Variants in ZNF655 observed in about 807,000 individuals in gnomAD.
ZNF655 encodes zinc finger protein 655.
Under a neutral mutation model 6.6 loss-of-function variants are expected in ZNF655, and 3 were observed. The observed-to-expected ratio is 0.46, with a 90% CI of 0.21 to 1.18. ZNF655 has a LOEUF of 1.18. Ranked by LOEUF, ZNF655 falls within the 50% of genes most tolerant of loss-of-function variation. The pLI, the probability that ZNF655 is intolerant of heterozygous loss-of-function variation, is 0.24. For synonymous variants in ZNF655, 178 were observed against 195.0 expected (o/e 0.91, Z 0.73); for missense variants, 526 against 572.3 (o/e 0.92, Z 0.83).
At position 99,573,407 on chromosome 7, in the gene ZNF655, G is replaced by T; in HGVS notation, c.1299G>T (p.Glu433Asp). 1 of 1,614,134 alleles carries T rather than the reference G, an allele frequency of 6.2e-7. No homozygotes were observed. Among genetic ancestry groups the T allele is most frequent in the Non-Finnish European group, 8.5e-7 (1 of 1,180,000 alleles). Reference protein sequence around the residue: ...LIQHHKMHRKEKSYECNEYEG... With the variant: ...LIQHHKMHRKDKSYECNEYEG... ...AGCATCACAAAATGCATAGGAAAGA[G>T]AAATCGTATGAATGTAATGAGTATG... The change falls in exon 3 of 3, where the codon GAG becomes GAT. Residue 433 changes from glutamate (E) to aspartate (D), a missense_variant. Transcript: ENST00000252713.
chr7:99,572,060 T>C (rs1415345198), intron 2 of ZNF655, among the ~76,000 whole-genome samples, 185 bp from the exon 3 acceptor site: 2 of 152,222 alleles, frequency 1.3e-5, no homozygotes, highest in African/African-American at 2.4e-5. Flanking sequence ...GTCCGCTGTT[T>C]TACCTCACTG....
At chr7:99,562,258 C>T in intron 2 of ZNF655, 15 of 1,389,000 alleles carry the variant, frequency 1.1e-5, no homozygotes, top group Non-Finnish European at 1.5e-5. Context: ...TCTGTTCTCC[C>T]TCCTCCTCAA....
chr7:99,572,101 G>A, intron 2 of ZNF655, 144 bp from the exon 3 acceptor site: 1 of 858,996 alleles, frequency 1.2e-6, no homozygotes, highest in Non-Finnish European at 1.7e-6. Flanking sequence ...TTCTGCTGTT[G>A]AGATTTTGTG....
rs992542064 is a variant in ZNF655 at position 99,572,918 on chromosome 7, T to C, written c.810T>C (p.Cys270=). ...ACACTAGAGAAAAACCTTACAAATGTGAAGCATCTGATAAATCCTGTGAAG... is the reference window on the plus strand; with the variant it reads ...ACACTAGAGAAAAACCTTACAAATGCGAAGCATCTGATAAATCCTGTGAAG... ...RIHTREKPYK[C]EASDKSCEAS... The change falls in exon 3 of 3, where the codon TGT becomes TGC. Residue 270 remains cysteine, a synonymous_variant. Transcript: ENST00000252713. 6.2e-7 allele frequency: 1 copy of C among 1,614,010 alleles called. No homozygotes were observed. Among genetic ancestry groups the C allele is most frequent in the African/African-American group, 1.3e-5 (1 of 74,932 alleles).
intron 2 of ZNF655, chr7:99,562,447 T>G: frequency 6.2e-7 from 1 of 1,614,124 alleles, no homozygotes. Flanking sequence ...CAGAGGGACC[T>G]CTACAGAGAA....
rs1277472303 is a variant in ZNF655, at chr7:99,572,173, T to C, written c.137-72T>C. The C allele has an allele frequency of 2.7e-6, 4 of 1,458,548 alleles. No individual in the cohort carries two copies. The African/African-American group carries it at 5.7e-5, about 21-fold the overall frequency. 90.4% of individuals were successfully genotyped at this position (1,458,548 alleles called of 1,614,324 possible). Reference sequence around the variant, plus strand: ...GTAGATACTACATTGTTTAGTTTTCTCATCTGAGTTTTCTTTTCCTAAGCA... The same window carrying C: ...GTAGATACTACATTGTTTAGTTTTCCCATCTGAGTTTTCTTTTCCTAAGCA... On this transcript the variant is annotated intron_variant, in intron 2 of 2. Coordinates refer to ENST00000252713, the MANE Select transcript of ZNF655 (RefSeq NM_138494.3).
chr7:99,565,697 T>C (rs1293440558), intron 2 of ZNF655, among the ~76,000 whole-genome samples: 1 of 152,200 alleles, frequency 6.6e-6, no homozygotes, highest in Non-Finnish European at 1.5e-5. Context: ...GTGTGGTAGA[T>C]TAAGACCCAT....
chr7:99,576,069 A>C lies in ZNF655; in HGVS notation c.*2485A>C, dbSNP rs568743844. 2 of 152,228 alleles carry C rather than the reference A, an allele frequency of 1.3e-5. No individual in the cohort carries two copies. Among genetic ancestry groups the C allele is most frequent in the Non-Finnish European group, 2.9e-5 (2 of 68,040 alleles). The allele number at this position is 152,228 out of a possible 1,614,324, so 9.4% of individuals were successfully genotyped here. A position where few individuals can be genotyped will look rare whatever the true frequency, so the allele number is the denominator to read the frequency against. Reference sequence around the variant, plus strand: ...TTCATAGTTCAGTGTTATAATATTCAGTAGGGACCCTCAACAAATATATAA... The same window carrying C: ...TTCATAGTTCAGTGTTATAATATTCCGTAGGGACCCTCAACAAATATATAA... On this transcript the variant is annotated 3_prime_UTR_variant, in exon 3 of 3. Coordinates refer to ENST00000252713, the MANE Select transcript of ZNF655 (RefSeq NM_138494.3).
rs763110941 is a variant in ZNF655, at chr7:99,560,690, C to G, written c.131C>G (p.Thr44Ser). 12 of 1,613,566 alleles carry G rather than the reference C, an allele frequency of 7.4e-6. No homozygotes were observed. The highest frequency in any genetic ancestry group is 3.4e-6 in the Non-Finnish European group (4 of 1,179,786). Reference protein sequence around the residue: ...VQDTDMEQGLTGDGETREENK... With the variant: ...VQDTDMEQGLSGDGETREENK... ...GACACCGACATGGAACAGGGACTCACTGGGGGTAAGGCAGAGAAAGCACTT... is the reference window on the plus strand; with the variant it reads ...GACACCGACATGGAACAGGGACTCAGTGGGGGTAAGGCAGAGAAAGCACTT... The change falls in exon 2 of 3, where the codon ACT becomes AGT. Residue 44 changes from threonine to serine, a missense_variant. Transcript: ENST00000252713.
At chr7:99,564,985 GA>G (rs1249803745) in intron 2 of ZNF655, among the ~76,000 whole-genome samples, 1 of 152,128 alleles carries the variant, frequency 6.6e-6, no homozygotes, top group East Asian at 1.9e-4. Flanking sequence ...GGGTTCAGCA[GA>G]CTTCATCTGA....
At chr7:99,568,417 A>G (rs1224685121) in intron 2 of ZNF655, among the ~76,000 whole-genome samples, 2 of 151,444 alleles carry the variant, frequency 1.3e-5, no homozygotes, top group East Asian at 2.0e-4. Flanking sequence ...CGCCCGGCTA[A>G]TTTTTGGTAT....
intron 2 of ZNF655, among the ~76,000 whole-genome samples, chr7:99,565,383 A>G (rs1005730211): frequency 3.3e-4 from 50 of 152,126 alleles, no homozygotes; most frequent in African/African-American, 1.0e-3. Context: ...CTTAGCCAGG[A>G]TGGTCTCGAT....
At chr7:99,567,473 G>A (rs1411786397) in intron 2 of ZNF655, among the ~76,000 whole-genome samples, 2 of 151,812 alleles carry the variant, frequency 1.3e-5, no homozygotes, top group East Asian at 4.0e-4. Context: ...GTGGAGTTGA[G>A]GTGAGCCGAG....
intron 2 of ZNF655, among the ~76,000 whole-genome samples, chr7:99,562,652 G>A (rs1315753079): frequency 2.0e-5 from 3 of 152,152 alleles, no homozygotes; most frequent in Admixed American, 6.5e-5. Context: ...TTCTCCGGGA[G>A]GGGTAATTAA....
Position 99,560,475 on chromosome 7 carries a change from A to C in ZNF655, c.-27-58A>C. On this transcript the variant is annotated intron_variant, in intron 1 of 2. Coordinates refer to ENST00000252713, the MANE Select transcript of ZNF655 (RefSeq NM_138494.3). ...AGATCCTTTGCAAAGTCCTGACGAT[A>C]TAAAATGATGAAATGCTTTAACTTA... The C allele has an allele frequency of 3.3e-6, 5 of 1,519,746 alleles. No homozygotes were observed. The East Asian group carries it at 6.9e-5, about 21-fold the overall frequency. 94.1% of individuals were successfully genotyped at this position (1,519,746 alleles called of 1,614,324 possible).
Position 99,560,477 on chromosome 7 carries a change from A to G in ZNF655, c.-27-56A>G, listed in dbSNP as rs1348326244. ...ATCCTTTGCAAAGTCCTGACGATAT[A>G]AAATGATGAAATGCTTTAACTTATT... On this transcript the variant is annotated intron_variant, in intron 1 of 2. Transcript: ENST00000252713. 2.0e-6 allele frequency: 3 copies of G among 1,524,668 alleles called. No individual in the cohort carries two copies. In the African/African-American group the frequency reaches 4.1e-5, roughly 21 times the overall value. The allele number at this position is 1,524,668 out of a possible 1,614,324, so 94.4% of individuals were successfully genotyped here. A position where few individuals can be genotyped will look rare whatever the true frequency, so the allele number is the denominator to read the frequency against.
At chr7:99,566,021 A>ATGTGTG (rs34698828) in intron 2 of ZNF655, among the ~76,000 whole-genome samples, 35 of 149,970 alleles carry the variant, frequency 2.3e-4, no homozygotes, top group African/African-American at 7.1e-4. Flanking sequence ...GGACATTTAT[A>ATGTGTG]TGTGTGTGTG....
chr7:99,560,392 C>A, intron 1 of ZNF655, 141 bp from the exon 2 acceptor site: 2 of 809,496 alleles, frequency 2.5e-6, no homozygotes, highest in Non-Finnish European at 3.5e-6. Flanking sequence ...TTTTCTGTTA[C>A]TTATTTAGGG....
In ZNF655 at chr7:99,574,142, A is replaced by C. The variant is rs1804269469; in HGVS notation, c.*558A>C. On this transcript the variant is annotated 3_prime_UTR_variant, in exon 3 of 3. Coordinates refer to ENST00000252713, the MANE Select transcript of ZNF655 (RefSeq NM_138494.3). ...TAGGAGTTTAACTAGTCTTTGTCAT[A>C]TCAGAATATCCATAGTAGACAAGAA... is the stretch of plus-strand genomic sequence containing the variant. 1 of 152,796 alleles carries C rather than the reference A, an allele frequency of 6.5e-6. No individual in the cohort carries two copies. 9.5% of individuals were successfully genotyped at this position (152,796 alleles called of 1,614,324 possible). A position where few individuals can be genotyped will look rare whatever the true frequency, so the allele number is the denominator to read the frequency against.
Sources: gnomAD v4.1 joint callset for allele counts (sites outside exome capture counted in the v4.1 genomes callset) on GRCh38, gnomAD v4.1.1 for gene constraint, MANE v1.5 for transcripts, NCBI Gene and HGNC (gene_info 2026-07-23, HGNC 2026-07-21) for gene names.